Variants in MED13L observed in about 807,000 individuals in gnomAD.
MED13L encodes the protein mediator of RNA polymerase II transcription subunit 13-like.
In MED13L, 7 loss-of-function variants were observed where a neutral mutation model predicts 220.9. The ratio of observed to expected loss-of-function variants is 0.03; its 90% CI spans 0.02 to 0.06. The LOEUF (loss-of-function observed/expected upper bound fraction) is 0.06, where lower values mean the gene tolerates loss of function less well. MED13L is among the 10% of genes least tolerant of loss of function. MED13L has a pLI of 1.00. For synonymous variants in MED13L, 1,011 were observed against 1,015.2 expected, an observed-to-expected ratio of 1.00 and a Z score of 0.08; for missense variants, 1,965 against 2,760.5, an observed-to-expected ratio of 0.71 and a Z score of 6.46.
chr12:116,064,166 G>A (rs976644548), intron 4 of MED13L, among the ~76,000 whole-genome samples: 10 of 150,936 alleles, frequency 6.6e-5, no homozygotes, highest in African/African-American at 2.4e-4. Context: ...TTGGGTGACA[G>A]AACAAGACCC....
At chr12:116,143,152 T>C (rs1422811850) in intron 2 of MED13L, among the ~76,000 whole-genome samples, 2 of 152,128 alleles carry the variant, frequency 1.3e-5, no homozygotes, top group Non-Finnish European at 2.9e-5. Context: ...ACTGTTTACA[T>C]ACTGTAGAAT....
chr12:116,266,216 G>A (rs981858677), intron 1 of MED13L, among the ~76,000 whole-genome samples: 8 of 152,164 alleles, frequency 5.3e-5, no homozygotes, highest in African/African-American at 1.7e-4. Flanking sequence ...TTGGATCTCA[G>A]AAGTCCTCAT....
intron 19 of MED13L, among the ~76,000 whole-genome samples, 195 bp from the exon 20 acceptor site, chr12:115,984,567 GTCTC>G (rs1877555484): frequency 1.3e-5 from 2 of 152,082 alleles, no homozygotes; most frequent in South Asian, 4.2e-4. Context: ...ATTGCTATCT[GTCTC>G]TCTAAAACTT....
intron 2 of MED13L, among the ~76,000 whole-genome samples, chr12:116,139,643 T>C (rs1312109910): frequency 2.0e-5 from 3 of 152,190 alleles, no homozygotes; most frequent in African/African-American, 7.2e-5. Flanking sequence ...ATCTCTTTTG[T>C]CGCACATAGT....
intron 2 of MED13L, among the ~76,000 whole-genome samples, chr12:116,188,842 T>A (rs1881074946): frequency 6.6e-6 from 1 of 152,204 alleles, no homozygotes; most frequent in South Asian, 2.1e-4. Context: ...TTTGAGATTT[T>A]ACTTTCCACT....
intron 5 of MED13L, among the ~76,000 whole-genome samples, chr12:116,020,776 T>C (rs1380524976): frequency 1.3e-5 from 2 of 152,148 alleles, no homozygotes; most frequent in African/African-American, 4.8e-5. Flanking sequence ...TTGAAGTGAG[T>C]ACTTCAATCT....
chr12:116,203,408 GTTT>G, intron 2 of MED13L, among the ~76,000 whole-genome samples: 1 of 145,726 alleles, frequency 6.9e-6, no homozygotes, highest in Non-Finnish European at 1.5e-5. Flanking sequence ...AAGGTGTTTT[GTTT>G]TGTGTTTTTT....
At chr12:116,026,026 G>T (rs1434464993) in intron 4 of MED13L, among the ~76,000 whole-genome samples, 1 of 152,060 alleles carries the variant, frequency 6.6e-6, no homozygotes, top group East Asian at 1.9e-4. Context: ...AAAAAAGAAA[G>T]AAAATAGGGT....
chr12:116,145,377 G>A lies in MED13L; in HGVS notation c.311-33865C>T, dbSNP rs1362907521. On this transcript the variant is annotated intron_variant, in intron 2 of 30. Transcript: ENST00000281928. ...TCTGGAACCGAGCCCAGGGGAGGCG[G>A]ATGCTTGGCCTAGCTCATCTAAAAA... Among the ~76,000 whole-genome samples, 12 of 152,292 alleles carry A rather than the reference G, an allele frequency of 7.9e-5. No homozygotes were observed. The East Asian group carries it at 1.9e-3, about 24-fold the overall frequency.
At chr12:116,250,692 G>A (rs1017771363) in intron 1 of MED13L, among the ~76,000 whole-genome samples, 6 of 145,982 alleles carry the variant, frequency 4.1e-5, no homozygotes, top group African/African-American at 7.7e-5. Context: ...CAGAAGAATC[G>A]CTTGAACCCA....
intron 3 of MED13L, among the ~76,000 whole-genome samples, chr12:116,108,233 T>C (rs889742339): frequency 3.0e-4 from 45 of 152,100 alleles, no homozygotes; most frequent in Admixed American, 2.9e-3. Flanking sequence ...AAATAAATTC[T>C]CAATAAATTC....
chr12:116,180,075 A>T (rs977904488), intron 2 of MED13L, among the ~76,000 whole-genome samples: 1 of 152,208 alleles, frequency 6.6e-6, no homozygotes, highest in Non-Finnish European at 1.5e-5. Flanking sequence ...GCAATTAATT[A>T]AGCTACAAGG....
intron 2 of MED13L, among the ~76,000 whole-genome samples, chr12:116,134,801 T>C (rs1317243097): frequency 1.3e-5 from 2 of 152,062 alleles, no homozygotes; most frequent in Non-Finnish European, 2.9e-5. Flanking sequence ...CTCCTCCCAC[T>C]GAGAGGTAAG....
At chr12:115,968,826 AG>A in intron 28 of MED13L, 113 bp downstream of exon 28, 2 of 1,335,896 alleles carry the variant, frequency 1.5e-6, no homozygotes. Flanking sequence ...TCTTGTACCA[AG>A]GACCCAGACC....
At chr12:116,012,666 A>C in intron 9 of MED13L, 131 bp downstream of exon 9, 1 of 777,148 alleles carries the variant, frequency 1.3e-6, no homozygotes, top group Non-Finnish European at 2.3e-6. Flanking sequence ...TATAAGAAAA[A>C]AACTAATCTT....
intron 4 of MED13L, among the ~76,000 whole-genome samples, chr12:116,093,691 G>A (rs1357142504): frequency 1.3e-5 from 2 of 151,840 alleles, no homozygotes; most frequent in African/African-American, 2.4e-5. Flanking sequence ...TATATGCTAA[G>A]ATTATAGATA....
intron 2 of MED13L, among the ~76,000 whole-genome samples, chr12:116,173,619 G>C (rs1879842835): frequency 6.6e-6 from 1 of 152,082 alleles, no homozygotes; most frequent in South Asian, 2.1e-4. Context: ...TTCAATCCGA[G>C]ATGTTTAACA....
At chr12:116,045,017 A>T (rs1881749865) in intron 4 of MED13L, among the ~76,000 whole-genome samples, 1 of 152,218 alleles carries the variant, frequency 6.6e-6, no homozygotes, top group Non-Finnish European at 1.5e-5. Context: ...AAGAGACCCT[A>T]CAGATAACTA....
At chr12:116,156,990 A>G (rs1387952524) in intron 2 of MED13L, among the ~76,000 whole-genome samples, 1 of 152,156 alleles carries the variant, frequency 6.6e-6, no homozygotes, top group Non-Finnish European at 1.5e-5. Context: ...TTTTGCTCTC[A>G]GGATATTGAG....
Sources: gnomAD v4.1 joint callset for allele counts (sites outside exome capture counted in the v4.1 genomes callset) on GRCh38, gnomAD v4.1.1 for gene constraint, MANE v1.5 for transcripts, NCBI Gene and HGNC (gene_info 2026-07-23, HGNC 2026-07-21) for gene names.